GPR39: variants seen among roughly 807,000 people sequenced by gnomAD.
GPR39 encodes the protein G protein-coupled receptor 39.
GPR39 carries 23 observed loss-of-function variants against 18.4 expected under a neutral mutation model. The ratio of observed to expected loss-of-function variants is 1.25; its 90% CI spans 0.90 to 1.77. The LOEUF is 1.77. Ranked by LOEUF, GPR39 falls within the 40% of genes most tolerant of loss-of-function variation. The pLI, the probability that GPR39 is intolerant of heterozygous loss-of-function variation, is 0.00. For synonymous variants in GPR39, 280 were observed against 257.9 expected (o/e 1.09, Z -0.82); for missense variants, 647 against 602.4 (o/e 1.07, Z -0.78).
intron 1 of GPR39, among the ~76,000 whole-genome samples, chr2:132,493,273 GTATACCATA>G (rs1205179496): frequency 3.9e-5 from 5 of 129,458 alleles, no homozygotes; most frequent in South Asian, 5.0e-4. Context: ...TACCATATAT[GTATACCATA>G]TATACCATAT....
chr2:132,553,410 AT>A (rs1189824758), intron 1 of GPR39, among the ~76,000 whole-genome samples: 4 of 150,946 alleles, frequency 2.6e-5, no homozygotes, highest in Non-Finnish European at 5.9e-5. Context: ...ACGTATATAT[AT>A]GTACACACAC....
Position 132,645,635 on chromosome 2 carries a change from A to T in GPR39, c.*29A>T, listed in dbSNP as rs1313396204. The T allele has an allele frequency of 1.3e-6, 2 of 1,590,832 alleles. No individual in the cohort carries two copies. The highest frequency in any genetic ancestry group is 2.7e-5 in the African/African-American group (2 of 74,142). On this transcript the variant is annotated 3_prime_UTR_variant, in exon 2 of 2. Transcript: ENST00000329321. ...TCAAGCGAGGGAGCCTTGAGTGGGAACTGGCCCTCCAGCCCTAAGAAAACG... is the reference window on the plus strand; with the variant it reads ...TCAAGCGAGGGAGCCTTGAGTGGGATCTGGCCCTCCAGCCCTAAGAAAACG...
chr2:132,557,863 C>T (rs994328161), intron 1 of GPR39, among the ~76,000 whole-genome samples: 3 of 151,848 alleles, frequency 2.0e-5, no homozygotes, highest in African/African-American at 7.3e-5. Context: ...CCATGCCGCC[C>T]GGGGGGGCTG....
rs552814465 is a variant in GPR39 at position 132,463,424 on chromosome 2, C to CT, written c.856+45541dup. 6.3e-3 allele frequency among the ~76,000 whole-genome samples: 838 copies of CT among 133,874 alleles called. 9 individuals carry two copies. Among genetic ancestry groups the CT allele is most frequent in the Admixed American group, 0.019 (257 of 13,260 alleles). 87.8% of individuals were successfully genotyped at this position (133,874 alleles called of 152,430 possible). On this transcript the variant is annotated intron_variant, in intron 1 of 1. Transcript: ENST00000329321. ...AAGATTGTCTTCCTAAGAGTCGGGT[C>CT]TTTTTTTTTTTTTTTGGTCTTCTTT... is the stretch of plus-strand genomic sequence containing the variant.
intron 1 of GPR39, among the ~76,000 whole-genome samples, chr2:132,635,924 G>C (rs1180383877): frequency 6.6e-6 from 1 of 152,218 alleles, no homozygotes. Flanking sequence ...CTATCTGCAA[G>C]CCAGGAAGCG....
chr2:132,467,012 T>C (rs938321143), intron 1 of GPR39, among the ~76,000 whole-genome samples: 6 of 152,182 alleles, frequency 3.9e-5, no homozygotes, highest in Non-Finnish European at 8.8e-5. Flanking sequence ...AAATGGTGCT[T>C]ATATGTGTTT....
intron 1 of GPR39, among the ~76,000 whole-genome samples, chr2:132,466,626 C>T (rs763757488): frequency 6.6e-6 from 1 of 152,068 alleles, no homozygotes; most frequent in Non-Finnish European, 1.5e-5. Context: ...AGGCCTGGAC[C>T]CTTTTGAGGA....
At chr2:132,548,793 C>A (rs1472083085) in intron 1 of GPR39, among the ~76,000 whole-genome samples, 1 of 152,144 alleles carries the variant, frequency 6.6e-6, no homozygotes, top group African/African-American at 2.4e-5. Context: ...CCAAGAAATG[C>A]AACTTTTTGC....
chr2:132,543,884 C>T (rs1267443028), intron 1 of GPR39, among the ~76,000 whole-genome samples: 1 of 152,280 alleles, frequency 6.6e-6, no homozygotes, highest in South Asian at 2.1e-4. Flanking sequence ...CAGTGGCATG[C>T]AAGCAAGGGC....
In GPR39 at chr2:132,645,995, G is replaced by C. The variant is rs1262563018; in HGVS notation, c.*389G>C. ...CTCACTCAGGGAGGTGGGGGGTTGG[G>C]GGCGAGGGCTGGAAGAACAATGCAG... On this transcript the variant is annotated 3_prime_UTR_variant, in exon 2 of 2. Coordinates refer to ENST00000329321, the MANE Select transcript of GPR39 (RefSeq NM_001508.3). The C allele has an allele frequency of 1.4e-6, 2 of 1,396,496 alleles. No individual in the cohort carries two copies. Among genetic ancestry groups the C allele is most frequent in the East Asian group, 2.4e-5 (1 of 41,284 alleles). The allele number at this position is 1,396,496 out of a possible 1,614,324, so 86.5% of individuals were successfully genotyped here.
intron 1 of GPR39, among the ~76,000 whole-genome samples, chr2:132,475,738 G>A (rs1196774047): frequency 6.6e-6 from 1 of 152,180 alleles, no homozygotes; most frequent in Admixed American, 6.5e-5. Context: ...TGAAGCTGCA[G>A]GAGACAAGAG....
Position 132,645,055 on chromosome 2 carries a change from G to C in GPR39, c.857-46G>C, listed in dbSNP as rs1253586003. On this transcript the variant is annotated intron_variant, in intron 1 of 1. Coordinates refer to ENST00000329321, the MANE Select transcript of GPR39 (RefSeq NM_001508.3). Reference sequence around the variant, plus strand: ...TATTCATTTACTGTGTTCTCATGCTGTGTTTTTCTTTTCTCTGTCTCTCCC... The same window carrying C: ...TATTCATTTACTGTGTTCTCATGCTCTGTTTTTCTTTTCTCTGTCTCTCCC... 3 of 1,570,926 alleles carry C rather than the reference G, an allele frequency of 1.9e-6. No homozygotes were observed. In the African/African-American group the frequency reaches 4.1e-5, roughly 21 times the overall value.
intron 1 of GPR39, among the ~76,000 whole-genome samples, chr2:132,475,857 A>G (rs1681116860): frequency 6.6e-6 from 1 of 152,140 alleles, no homozygotes; most frequent in Admixed American, 6.5e-5. Context: ...ATGCTTTCAC[A>G]AATAGCCATT....
At chr2:132,611,660 A>G (rs1483734398) in intron 1 of GPR39, among the ~76,000 whole-genome samples, 1 of 150,726 alleles carries the variant, frequency 6.6e-6, no homozygotes, top group Non-Finnish European at 1.5e-5. Flanking sequence ...TTCATGGCTC[A>G]AAGCAACCCT....
At chr2:132,608,829 C>G (rs1681187561) in intron 1 of GPR39, among the ~76,000 whole-genome samples, 1 of 152,174 alleles carries the variant, frequency 6.6e-6, no homozygotes, top group Admixed American at 6.5e-5. Context: ...CGGGCAGAAT[C>G]AATGAGCACT....
chr2:132,529,966 A>G (rs140067029), intron 1 of GPR39, among the ~76,000 whole-genome samples: 11,553 of 152,260 alleles, frequency 0.076, 837 homozygotes, highest in African/African-American at 0.19. Context: ...CCAAAGGAAC[A>G]CAGCTCCTCA....
chr2:132,418,821 T>TA (rs1241785249), intron 1 of GPR39, among the ~76,000 whole-genome samples: 2 of 152,040 alleles, frequency 1.3e-5, no homozygotes, highest in Non-Finnish European at 2.9e-5. Context: ...GCAGAAACAA[T>TA]AAAAAGGATG....
Position 132,482,040 on chromosome 2 carries a change from CCTT to C in GPR39, c.856+64145_856+64147del, listed in dbSNP as rs138434029. ...ACCATCTGGACCATCACTTGCAAGT[CCTT>C]CTCTCAACATTGTTGACGTCCCCTA... On this transcript the variant is annotated intron_variant, in intron 1 of 1. Transcript: ENST00000329321. 6.0e-3 allele frequency among the ~76,000 whole-genome samples: 921 copies of C among 152,274 alleles called. 10 individuals carry two copies. Among genetic ancestry groups the C allele is most frequent in the African/African-American group, 0.022 (896 of 41,550 alleles).
At chr2:132,472,078 T>C in intron 1 of GPR39, among the ~76,000 whole-genome samples, 1 of 152,178 alleles carries the variant, frequency 6.6e-6, no homozygotes, top group East Asian at 1.9e-4. Context: ...CATTCAGCAA[T>C]GATAACAGAT....
Sources: allele counts gnomAD v4.1 joint callset (sites outside exome capture counted in the v4.1 genomes callset), GRCh38; gene constraint gnomAD v4.1.1; transcripts MANE v1.5; gene names NCBI Gene and HGNC (gene_info 2026-07-23, HGNC 2026-07-21).